Variants in RTN1 observed in about 807,000 individuals in gnomAD.
RTN1 encodes reticulon-1.
In RTN1, 25 loss-of-function variants were observed where a neutral mutation model predicts 65.5. The observed-to-expected ratio is 0.38, with a 90% CI of 0.28 to 0.53. RTN1 has a LOEUF of 0.53. RTN1 is among the 20% of genes least tolerant of loss of function. RTN1 has a pLI of 0.79. For synonymous variants in RTN1, 471 were observed against 447.6 expected, an observed-to-expected ratio of 1.05 and a Z score of -0.66; for missense variants, 983 against 1,025.4, an observed-to-expected ratio of 0.96 and a Z score of 0.57.
At chr14:59,615,965 T>C (rs908526784) in intron 3 of RTN1, among the ~76,000 whole-genome samples, 2 of 152,168 alleles carry the variant, frequency 1.3e-5, no homozygotes, top group Admixed American at 6.5e-5. Context: ...CCTAGGATTC[T>C]ATTTTGTGAT....
intron 2 of RTN1, among the ~76,000 whole-genome samples, chr14:59,745,478 A>C (rs1210365912): frequency 6.6e-6 from 1 of 152,160 alleles, no homozygotes; most frequent in Non-Finnish European, 1.5e-5. Context: ...AAAATTTTAC[A>C]AAGAAAACCT....
intron 1 of RTN1, among the ~76,000 whole-genome samples, chr14:59,869,561 C>T (rs1417912569): frequency 1.5e-5 from 2 of 131,696 alleles, no homozygotes; most frequent in African/African-American, 6.1e-5. Flanking sequence ...ATGGCCAAAC[C>T]CAGGGCAATT....
chr14:59,625,945 C>T (rs1882385619), intron 3 of RTN1, among the ~76,000 whole-genome samples: 3 of 152,224 alleles, frequency 2.0e-5, no homozygotes, highest in Admixed American at 6.5e-5. Flanking sequence ...CCCTTCTCCC[C>T]AGCTAAGGCA....
At chr14:59,713,000 T>G (rs1884456026) in intron 3 of RTN1, among the ~76,000 whole-genome samples, 1 of 151,908 alleles carries the variant, frequency 6.6e-6, no homozygotes, top group Non-Finnish European at 1.5e-5. Flanking sequence ...AATATTTAAA[T>G]AGCAACAACA....
chr14:59,857,520 C>T (rs1165541098), intron 1 of RTN1, among the ~76,000 whole-genome samples: 1 of 152,166 alleles, frequency 6.6e-6, no homozygotes, highest in Non-Finnish European at 1.5e-5. Flanking sequence ...TTATTTATTC[C>T]TCCCCTCGTC....
At chr14:59,650,290 T>G (rs140936330) in intron 3 of RTN1, among the ~76,000 whole-genome samples, 109 of 152,100 alleles carry the variant, frequency 7.2e-4, no homozygotes, top group African/African-American at 2.6e-3. Flanking sequence ...AGGACAAATA[T>G]CTAATACATG....
chr14:59,596,835 A>C, intron 8 of RTN1, 48 bp from the exon 9 acceptor site: 1 of 1,433,834 alleles, frequency 7.0e-7, no homozygotes, highest in Non-Finnish European at 9.8e-7. Context: ...GTTATTAATG[A>C]AATCATTTTA....
intron 1 of RTN1, among the ~76,000 whole-genome samples, chr14:59,858,133 G>A (rs1023912058): frequency 1.2e-4 from 18 of 152,110 alleles, no homozygotes; most frequent in Admixed American, 6.5e-4. Context: ...ATGGTAATAC[G>A]CCCAGGAGGA....
Position 59,766,201 on chromosome 14 carries a change from G to C in RTN1, c.242-19720C>G. On this transcript the variant is annotated intron_variant, in intron 1 of 8. Transcript: ENST00000267484. The surrounding 1 kb of genome is among the most constrained non-coding windows in gnomAD (Gnocchi z 4.4). ...GTGGAGATCATGCCAATGCACTCCA[G>C]CCTGGGTGACAGAGTGAGACGCTGT... Among the ~76,000 whole-genome samples the C allele has an allele frequency of 6.6e-6, 1 of 151,096 alleles. No homozygotes were observed. Among genetic ancestry groups the C allele is most frequent in the Admixed American group, 6.6e-5 (1 of 15,140 alleles).
At chr14:59,652,094 A>T (rs1200405391) in intron 3 of RTN1, among the ~76,000 whole-genome samples, 1 of 152,332 alleles carries the variant, frequency 6.6e-6, no homozygotes, top group South Asian at 2.1e-4. Flanking sequence ...AACATCACTG[A>T]TCACTAGAGA....
chr14:59,787,309 C>G (rs1490525321), intron 1 of RTN1, among the ~76,000 whole-genome samples: 1 of 152,122 alleles, frequency 6.6e-6, no homozygotes, highest in Non-Finnish European at 1.5e-5. Flanking sequence ...TGACCTGCTT[C>G]TTACTAGATG....
chr14:59,667,598 A>T (rs1250605986), intron 3 of RTN1, among the ~76,000 whole-genome samples: 1 of 152,222 alleles, frequency 6.6e-6, no homozygotes, highest in East Asian at 1.9e-4. Flanking sequence ...TAGTGTTGGA[A>T]ATTCTGGCCA....
chr14:59,860,335 G>A (rs1887686032), intron 1 of RTN1, among the ~76,000 whole-genome samples: 3 of 152,222 alleles, frequency 2.0e-5, no homozygotes, highest in Admixed American at 2.0e-4. Flanking sequence ...ACGTGGTATT[G>A]AGCCTTCAAG....
rs563739909 is a variant in RTN1 at position 59,727,742 on chromosome 14, A to G, written c.1016-74T>C. On this transcript the variant is annotated intron_variant, in intron 2 of 8. Transcript: ENST00000267484. The surrounding 1 kb of genome is among the most constrained non-coding windows in gnomAD (Gnocchi z 4.2). ...AGACAGATGGACAGAGAGAGGAGGG[A>G]TAAAACAAAATTCCATTAGGCGAGA... is the stretch of plus-strand genomic sequence containing the variant. 1.3e-6 allele frequency: 2 copies of G among 1,485,920 alleles called. No homozygotes were observed. The highest frequency in any genetic ancestry group is 4.6e-5 in the East Asian group (2 of 43,238). 92.0% of individuals were successfully genotyped at this position (1,485,920 alleles called of 1,614,324 possible).
intron 3 of RTN1, among the ~76,000 whole-genome samples, chr14:59,659,198 T>G (rs1211293480): frequency 3.4e-5 from 5 of 146,798 alleles, no homozygotes; most frequent in African/African-American, 1.3e-4. Context: ...AAAAAAAGAA[T>G]GAAAAGGAAT....
chr14:59,672,166 G>T (rs1264228856), intron 3 of RTN1, among the ~76,000 whole-genome samples: 1 of 152,078 alleles, frequency 6.6e-6, no homozygotes, highest in Middle Eastern at 3.2e-3. Flanking sequence ...GATGCCATTT[G>T]ACCTCTTTGA....
chr14:59,722,868 G>A (rs1319895392), intron 3 of RTN1, among the ~76,000 whole-genome samples: 1 of 151,104 alleles, frequency 6.6e-6, no homozygotes, highest in South Asian at 2.1e-4. Context: ...TGTGATCAAA[G>A]CTCACTGCAG....
At chr14:59,809,931 T>C (rs1886699267) in intron 1 of RTN1, among the ~76,000 whole-genome samples, 1 of 152,174 alleles carries the variant, frequency 6.6e-6, no homozygotes, top group Non-Finnish European at 1.5e-5. Context: ...CACTTTTAAA[T>C]TTCCTCTCAA....
At chr14:59,606,102 T>TTATATATATATATATATATATATATATA (rs1566658026) in intron 4 of RTN1, 2 of 51,686 alleles carry the variant, frequency 3.9e-5, no homozygotes, top group African/African-American at 2.3e-4. Context: ...GGGAAAAACA[T>TTATATATATATATATATATATATATATA]GATATATATA....
Sources: allele counts gnomAD v4.1 joint callset (sites outside exome capture counted in the v4.1 genomes callset), GRCh38; gene constraint gnomAD v4.1.1; non-coding constraint Gnocchi (gnomAD v3.1); transcripts MANE v1.5; gene names NCBI Gene and HGNC (gene_info 2026-07-23, HGNC 2026-07-21).